The following TTC28 variants were observed in gnomAD, a reference collection of about 807,000 sequenced individuals.
The protein encoded by TTC28 is tetratricopeptide repeat protein 28.
In TTC28, 61 loss-of-function variants were observed where a neutral mutation model predicts 198.0. The ratio of observed to expected loss-of-function variants is 0.31; its 90% CI spans 0.25 to 0.38. The LOEUF is 0.38. TTC28 is among the 10% of genes least tolerant of loss of function. The pLI, the probability that TTC28 is intolerant of heterozygous loss-of-function variation, is 1.00. For missense variants in TTC28, 2,678 were observed against 3,164.0 expected (o/e 0.85, Z 3.69); for synonymous variants, 1,171 against 1,297.8 (o/e 0.90, Z 2.10).
intron 2 of TTC28, among the ~76,000 whole-genome samples, chr22:28,413,411 CTG>C (rs1200952259): frequency 6.6e-6 from 1 of 152,012 alleles, no homozygotes; most frequent in Admixed American, 6.6e-5. Flanking sequence ...GAGCGAGACT[CTG>C]TCTTAAAATT....
chr22:28,353,945 T>C (rs929551486), intron 2 of TTC28, among the ~76,000 whole-genome samples: 1 of 152,198 alleles, frequency 6.6e-6, no homozygotes, highest in Non-Finnish European at 1.5e-5. Context: ...ATGTTATTAG[T>C]TATTAGAAAA....
At chr22:28,274,926 C>T (rs1401303267) in intron 5 of TTC28, among the ~76,000 whole-genome samples, 2 of 135,806 alleles carry the variant, frequency 1.5e-5, no homozygotes, top group Non-Finnish European at 1.5e-5. Flanking sequence ...TTGCAGTGAG[C>T]TGAGATCGCG....
chr22:28,045,440 C>T (rs1939824084), intron 12 of TTC28, among the ~76,000 whole-genome samples: 1 of 152,178 alleles, frequency 6.6e-6, no homozygotes, highest in African/African-American at 2.4e-5. Context: ...TCCTTCTGGA[C>T]ATCACCTATG....
intron 2 of TTC28, among the ~76,000 whole-genome samples, chr22:28,391,004 G>T (rs565123205): frequency 3.9e-5 from 6 of 152,088 alleles, no homozygotes; most frequent in Non-Finnish European, 8.8e-5. Context: ...CATGTTTAGC[G>T]CTTCCTTCAG....
chr22:28,509,731 A>G (rs540038737), intron 2 of TTC28, among the ~76,000 whole-genome samples: 80 of 152,304 alleles, frequency 5.3e-4, no homozygotes, highest in African/African-American at 1.9e-3. Context: ...TCAAAAAACA[A>G]TCAATGAATT....
chr22:28,228,874 C>T (rs1211752289), intron 5 of TTC28, among the ~76,000 whole-genome samples: 3 of 151,724 alleles, frequency 2.0e-5, no homozygotes, highest in Admixed American at 6.6e-5. Context: ...AACTACACCC[C>T]GGCGAGGCGT....
intron 2 of TTC28, among the ~76,000 whole-genome samples, chr22:28,445,229 T>C (rs993390818): frequency 2.2e-4 from 34 of 152,120 alleles, no homozygotes; most frequent in Non-Finnish European, 4.3e-4. Context: ...ATCAACTAGA[T>C]ACAAAGCATC....
At chr22:28,259,300 A>T (rs1190465545) in intron 5 of TTC28, among the ~76,000 whole-genome samples, 1 of 152,176 alleles carries the variant, frequency 6.6e-6, no homozygotes, top group Non-Finnish European at 1.5e-5. Context: ...TTAAATAATA[A>T]ATGAATAAAA....
intron 2 of TTC28, among the ~76,000 whole-genome samples, chr22:28,620,650 T>C (rs1214512868): frequency 1.3e-5 from 2 of 152,148 alleles, no homozygotes; most frequent in Non-Finnish European, 2.9e-5. Context: ...AATGTAGAAG[T>C]GGTCCAGTCA....
At chr22:28,380,987 T>C (rs565144874) in intron 2 of TTC28, among the ~76,000 whole-genome samples, 1 of 152,208 alleles carries the variant, frequency 6.6e-6, no homozygotes, top group East Asian at 1.9e-4. Flanking sequence ...TTACCTACTA[T>C]GAATTCCTAC....
At chr22:28,234,932 G>A (rs907591165) in intron 5 of TTC28, among the ~76,000 whole-genome samples, 1 of 152,190 alleles carries the variant, frequency 6.6e-6, no homozygotes, top group Non-Finnish European at 1.5e-5. Context: ...ACCAGCTAAT[G>A]ATTACCTCCA....
chr22:28,591,028 CACACACACACACATATATATAT>C (rs1290093838), intron 2 of TTC28, among the ~76,000 whole-genome samples: 21 of 77,350 alleles, frequency 2.7e-4, no homozygotes, highest in South Asian at 5.0e-4. Flanking sequence ...CACACACACA[CACACACACACACATATATATAT>C]ATATATATAT....
At chr22:28,473,927 G>A (rs535540032) in intron 2 of TTC28, among the ~76,000 whole-genome samples, 1 of 152,204 alleles carries the variant, frequency 6.6e-6, no homozygotes, top group Non-Finnish European at 1.5e-5. Flanking sequence ...CTGACACCAT[G>A]TCCTGGTCTC....
intron 12 of TTC28, among the ~76,000 whole-genome samples, chr22:28,086,210 A>G (rs1374914461): frequency 2.0e-5 from 3 of 152,024 alleles, no homozygotes; most frequent in Non-Finnish European, 4.4e-5. Context: ...CAGAATATAC[A>G]TTTTTTTCAG....
intron 1 of TTC28, among the ~76,000 whole-genome samples, chr22:28,678,960 G>A (rs539775819): frequency 9.9e-5 from 15 of 152,254 alleles, no homozygotes; most frequent in Admixed American, 9.2e-4. Flanking sequence ...TGATTCCTAC[G>A]CTCTAACGGG....
chr22:28,609,760 A>C (rs1208844977), intron 2 of TTC28, among the ~76,000 whole-genome samples: 1 of 151,988 alleles, frequency 6.6e-6, no homozygotes, highest in African/African-American at 2.4e-5. Flanking sequence ...CCTGGAAAGG[A>C]GGCTGAAGCC....
At chr22:28,136,887 T>C (rs781255628) in intron 6 of TTC28, among the ~76,000 whole-genome samples, 1 of 152,182 alleles carries the variant, frequency 6.6e-6, no homozygotes, top group Non-Finnish European at 1.5e-5. Flanking sequence ...TAATATGTCT[T>C]TGCCGAGGAA....
intron 1 of TTC28, among the ~76,000 whole-genome samples, chr22:28,654,708 ATCACAAATTCGTC>A (rs1405650700): frequency 2.6e-5 from 4 of 152,312 alleles, no homozygotes; most frequent in African/African-American, 9.6e-5. Flanking sequence ...TTAGGATGTT[ATCACAAATTCGTC>A]ACTTCAACCA....
chr22:28,048,547 C>T (rs890283784), intron 12 of TTC28, among the ~76,000 whole-genome samples: 4 of 152,174 alleles, frequency 2.6e-5, no homozygotes, highest in Admixed American at 6.5e-5. Context: ...AAACCACAGA[C>T]GTGGCATTAA....
Sources: gnomAD v4.1 joint callset for allele counts (sites outside exome capture counted in the v4.1 genomes callset) on GRCh38, gnomAD v4.1.1 for gene constraint, MANE v1.5 for transcripts, NCBI Gene and HGNC (gene_info 2026-07-23, HGNC 2026-07-21) for gene names.